GRIN2B: variants seen among roughly 807,000 people sequenced by gnomAD.
The protein encoded by GRIN2B is glutamate receptor ionotropic, NMDA 2B.
A neutral mutation model predicts 114.5 loss-of-function variants in GRIN2B; 5 were observed. The ratio of observed to expected loss-of-function variants is 0.04; its 90% CI spans 0.02 to 0.09. The LOEUF (loss-of-function observed/expected upper bound fraction) is 0.09. GRIN2B is among the 10% of genes least tolerant of loss of function. GRIN2B has a pLI of 1.00. For synonymous variants in GRIN2B, 787 were observed against 745.1 expected (o/e 1.06, Z -0.92); for missense variants, 1,108 against 1,943.5 (o/e 0.57, Z 8.08).
chr12:13,739,400 A>AG (rs1863241154), intron 4 of GRIN2B, among the ~76,000 whole-genome samples: 8 of 137,314 alleles, frequency 5.8e-5, no homozygotes, highest in African/African-American at 1.9e-4. Flanking sequence ...AAAAAAAAAA[A>AG]AAGAAGAAAA....
rs191145888 is a variant in GRIN2B at position 13,605,337 on chromosome 12, T to C, written c.2010+3266A>G. On this transcript the variant is annotated intron_variant, in intron 10 of 13. Transcript: ENST00000609686. Reference sequence around the variant, plus strand: ...TCTAATCTAGGTTTTGAAGTTTCAGTAGGAGTTTGATGAGTGAAAAAGTGG... The same window carrying C: ...TCTAATCTAGGTTTTGAAGTTTCAGCAGGAGTTTGATGAGTGAAAAAGTGG... Among the ~76,000 whole-genome samples the C allele has an allele frequency of 1.7e-3, 256 of 152,102 alleles. 4 individuals carry two copies. Among genetic ancestry groups the C allele is most frequent in the Non-Finnish European group, 3.1e-4 (21 of 67,988 alleles).
chr12:13,913,206 TC>T (rs1437575836), intron 2 of GRIN2B, among the ~76,000 whole-genome samples: 1 of 152,204 alleles, frequency 6.6e-6, no homozygotes, highest in Non-Finnish European at 1.5e-5. Context: ...TCCTTTTCTT[TC>T]CTAAAACAAA....
At chr12:13,821,014 CT>C (rs1438459740) in intron 3 of GRIN2B, among the ~76,000 whole-genome samples, 1 of 151,978 alleles carries the variant, frequency 6.6e-6, no homozygotes, top group African/African-American at 2.4e-5. Context: ...TTCCAATTTC[CT>C]TCTACTTGCT....
intron 4 of GRIN2B, among the ~76,000 whole-genome samples, chr12:13,714,689 A>G (rs1950440606): frequency 6.6e-6 from 1 of 151,924 alleles, no homozygotes; most frequent in South Asian, 2.1e-4. Flanking sequence ...AAAGCCTGAG[A>G]AGGTCAAATG....
intron 4 of GRIN2B, among the ~76,000 whole-genome samples, chr12:13,736,636 A>G (rs950288037): frequency 6.6e-6 from 1 of 152,184 alleles, no homozygotes; most frequent in Non-Finnish European, 1.5e-5. Flanking sequence ...AATCTCACTT[A>G]CACTATCAGT....
chr12:13,565,887 C>A (rs1407952356), intron 13 of GRIN2B, among the ~76,000 whole-genome samples: 1 of 152,062 alleles, frequency 6.6e-6, no homozygotes, highest in Non-Finnish European at 1.5e-5. Flanking sequence ...TTCTTCTAAC[C>A]CTTCCTGATT....
chr12:13,847,267 C>T lies in GRIN2B; in HGVS notation c.411+18531G>A, dbSNP rs562722825. ...CAATAAATTAGCTACAGCTCCTCACCCAGGCCCCCACTATGACCAAGCATA... is the reference window on the plus strand; with the variant it reads ...CAATAAATTAGCTACAGCTCCTCACTCAGGCCCCCACTATGACCAAGCATA... On this transcript the variant is annotated intron_variant, in intron 3 of 13. Coordinates refer to ENST00000609686, the MANE Select transcript of GRIN2B (RefSeq NM_000834.5). Among the ~76,000 whole-genome samples, 11 of 152,098 alleles carry T rather than the reference C, an allele frequency of 7.2e-5. No homozygotes were observed. The East Asian group carries it at 2.1e-3, about 29-fold the overall frequency.
intron 2 of GRIN2B, among the ~76,000 whole-genome samples, chr12:13,944,135 C>T (rs1867321451): frequency 6.6e-6 from 1 of 152,154 alleles, no homozygotes; most frequent in Non-Finnish European, 1.5e-5. Context: ...CTAATTTCAT[C>T]CATTTCTGTC....
rs916056143 is a variant in GRIN2B at position 13,872,119 on chromosome 12, C to T, written c.-18-5893G>A. Among the ~76,000 whole-genome samples the T allele has an allele frequency of 7.9e-5, 12 of 151,834 alleles. No individual in the cohort carries two copies. In the East Asian group the frequency reaches 1.3e-3, roughly 17 times the overall value. On this transcript the variant is annotated intron_variant, in intron 2 of 13. Transcript: ENST00000609686. Reference sequence around the variant, plus strand: ...TATAAGTGGAACAAAAAGAAAAAGACGGAAAGCTTGATTCTAGATTCAGAT... The same window carrying T: ...TATAAGTGGAACAAAAAGAAAAAGATGGAAAGCTTGATTCTAGATTCAGAT...
rs57824415 is a variant in GRIN2B, at chr12:13,574,901, G to C, written c.2011-2937C>G. ...GCGTACAGTCAGATCATTGGAACAG[G>C]ATAGAGTGCCCACTAACAGAGCCCC... On this transcript the variant is annotated intron_variant, in intron 10 of 13. Transcript: ENST00000609686. Among the ~76,000 whole-genome samples, 49 of 152,330 alleles carry C rather than the reference G, an allele frequency of 3.2e-4. No individual in the cohort carries two copies. In the East Asian group the frequency reaches 3.3e-3, roughly 10 times the overall value.
rs533711483 is a variant in GRIN2B at position 13,556,966 on chromosome 12, G to A, written c.*5817C>T. On this transcript the variant is annotated 3_prime_UTR_variant, in exon 14 of 14. Transcript: ENST00000609686. Reference sequence around the variant, plus strand: ...TTTTTCTTGCTTCAATATTGTAAATGAGAAGCCCTAAACGTCACAGTTCTC... The same window carrying A: ...TTTTTCTTGCTTCAATATTGTAAATAAGAAGCCCTAAACGTCACAGTTCTC... 1 of 152,124 alleles carries A rather than the reference G, an allele frequency of 6.6e-6. No homozygotes were observed. Among genetic ancestry groups the A allele is most frequent in the Non-Finnish European group, 1.5e-5 (1 of 68,034 alleles). The allele number at this position is 152,124 out of a possible 1,614,324, so 9.4% of individuals were successfully genotyped here.
At position 13,768,611 on chromosome 12, in the gene GRIN2B, C is replaced by T. The variant is rs559975593; in HGVS notation, c.412-14696G>A. On this transcript the variant is annotated intron_variant, in intron 3 of 13. Coordinates refer to ENST00000609686, the MANE Select transcript of GRIN2B (RefSeq NM_000834.5). ...AGCCAGCTGGGGAGTGGTCTTAGTTCCTCTCGGCTTTCCAACTCTAGGCAC... is the reference window on the plus strand; with the variant it reads ...AGCCAGCTGGGGAGTGGTCTTAGTTTCTCTCGGCTTTCCAACTCTAGGCAC... Among the ~76,000 whole-genome samples the T allele has an allele frequency of 2.6e-5, 4 of 152,322 alleles. No individual in the cohort carries two copies. In the East Asian group the frequency reaches 7.7e-4, roughly 29 times the overall value.
intron 5 of GRIN2B, among the ~76,000 whole-genome samples, chr12:13,645,558 A>G (rs1408293745): frequency 6.6e-6 from 1 of 152,138 alleles, no homozygotes; most frequent in African/African-American, 2.4e-5. Context: ...CAAATGCTCA[A>G]TTTGTAAAAA....
chr12:13,715,362 T>C (rs930481709), intron 4 of GRIN2B, among the ~76,000 whole-genome samples: 7 of 151,902 alleles, frequency 4.6e-5, no homozygotes, highest in Non-Finnish European at 1.0e-4. Context: ...ACCATTAGGC[T>C]GAGAAATGTT....
rs1486617205 is a variant in GRIN2B, at chr12:13,538,047, A to G, written c.*24736T>C. 6.6e-6 allele frequency: 1 copy of G among 152,150 alleles called. No homozygotes were observed. The highest frequency in any genetic ancestry group is 1.5e-5 in the Non-Finnish European group (1 of 68,022). The allele number at this position is 152,150 out of a possible 1,614,324, so 9.4% of individuals were successfully genotyped here. ...TTCAGAGGATCATTTATATTTTTGA[A>G]AGAATTAGTTTGCATTTGTAAAAGA... On this transcript the variant is annotated 3_prime_UTR_variant, in exon 14 of 14. Transcript: ENST00000609686.
chr12:13,883,573 A>G (rs543116719), intron 2 of GRIN2B, among the ~76,000 whole-genome samples: 11 of 152,116 alleles, frequency 7.2e-5, no homozygotes, highest in East Asian at 5.8e-4. Context: ...ATTTTTTTCA[A>G]TGTTTATTTA....
intron 10 of GRIN2B, among the ~76,000 whole-genome samples, chr12:13,588,845 A>G (rs1488242738): frequency 6.6e-6 from 1 of 152,358 alleles, no homozygotes; most frequent in Middle Eastern, 3.4e-3. Flanking sequence ...GAAGGTTCAG[A>G]AATGATTAAA....
At chr12:13,861,477 T>C (rs1224528351) in intron 3 of GRIN2B, among the ~76,000 whole-genome samples, 3 of 152,150 alleles carry the variant, frequency 2.0e-5, no homozygotes, top group Non-Finnish European at 4.4e-5. Flanking sequence ...TAAAAGCAAT[T>C]ATAACAAGGC....
intron 5 of GRIN2B, among the ~76,000 whole-genome samples, chr12:13,635,322 T>C (rs1949657750): frequency 6.6e-6 from 1 of 152,170 alleles, no homozygotes; most frequent in South Asian, 2.1e-4. Context: ...TCCTGTTTTC[T>C]ACAGGAAGGG....
Sources: gnomAD v4.1 joint callset for allele counts (sites outside exome capture counted in the v4.1 genomes callset) on GRCh38, gnomAD v4.1.1 for gene constraint, MANE v1.5 for transcripts, NCBI Gene and HGNC (gene_info 2026-07-23, HGNC 2026-07-21) for gene names.